Variants in MAP4K4 observed in about 807,000 individuals in gnomAD.
MAP4K4 encodes the protein mitogen-activated protein kinase kinase kinase kinase 4.
Under a neutral mutation model 189.6 loss-of-function variants are expected in MAP4K4, and 38 were observed. The observed-to-expected ratio is 0.20, with a 90% confidence interval of 0.15 to 0.26. The LOEUF is 0.26. Ranked by LOEUF, MAP4K4 falls within the 10% of genes least tolerant of loss-of-function variation. The pLI, the probability that MAP4K4 is intolerant of heterozygous loss-of-function variation, is 1.00. For missense variants in MAP4K4, 1,054 were observed against 1,726.9 expected, an observed-to-expected ratio of 0.61 and a Z score of 6.91; for synonymous variants, 610 against 624.3, an observed-to-expected ratio of 0.98 and a Z score of 0.34.
intron 24 of MAP4K4, 41 bp downstream of exon 24, chr2:101,871,726 A>G: frequency 1.3e-6 from 2 of 1,517,868 alleles, no homozygotes; most frequent in South Asian, 1.2e-5. Flanking sequence ...CTGGGGTTAG[A>G]CCAGCACTGC....
chr2:101,824,492 TAAAAC>T (rs1365032306), intron 4 of MAP4K4, among the ~76,000 whole-genome samples: 1 of 152,220 alleles, frequency 6.6e-6, no homozygotes, highest in Non-Finnish European at 1.5e-5. Context: ...TGATAATAGT[TAAAAC>T]AAATTCCAGG....
exon 33 of MAP4K4, chr2:101,891,432 C>CTTT: frequency 2.2e-6 from 1 of 456,424 alleles, no homozygotes; most frequent in Non-Finnish European, 4.0e-6. Context: ...TATCCCCATT[C>CTTT]TTTTTTTTTT....
At chr2:101,844,106 T>C in exon 12 of MAP4K4, 2 of 1,610,750 alleles carry the variant, frequency 1.2e-6, no homozygotes, top group Non-Finnish European at 1.7e-6. Flanking sequence ...AACAGTTCCA[T>C]TGTGAACGTG....
chr2:101,864,046 C>G (rs1356711390), exon 17 of MAP4K4: 1 of 1,359,794 alleles, frequency 7.4e-7, no homozygotes, highest in Admixed American at 1.9e-5. Flanking sequence ...CGAGGTGCCT[C>G]CAAGGGTAAG....
intron 5 of MAP4K4, among the ~76,000 whole-genome samples, chr2:101,826,967 A>G (rs1010570356): frequency 1.3e-5 from 2 of 152,082 alleles, no homozygotes; most frequent in African/African-American, 4.8e-5. Flanking sequence ...TAATTCCAGT[A>G]TGTGATATCT....
chr2:101,788,121 G>A (rs1377220810), intron 2 of MAP4K4, among the ~76,000 whole-genome samples: 1 of 150,948 alleles, frequency 6.6e-6, no homozygotes, highest in Non-Finnish European at 1.5e-5. Flanking sequence ...TTTTTAAATA[G>A]AGAAGTACAT....
At chr2:101,804,939 T>G (rs2094768386) in intron 3 of MAP4K4, among the ~76,000 whole-genome samples, 1 of 151,796 alleles carries the variant, frequency 6.6e-6, no homozygotes, top group Non-Finnish European at 1.5e-5. Context: ...CCGAGCGTGG[T>G]GGCACGTGAC....
intron 2 of MAP4K4, among the ~76,000 whole-genome samples, chr2:101,755,915 T>G (rs2150055335): frequency 6.7e-6 from 1 of 150,050 alleles, no homozygotes; most frequent in Non-Finnish European, 1.5e-5. Context: ...TTATTTATAG[T>G]ATGAGTTCTT....
At chr2:101,821,649 A>G (rs1427591705) in intron 3 of MAP4K4, among the ~76,000 whole-genome samples, 2 of 152,178 alleles carry the variant, frequency 1.3e-5, no homozygotes, top group African/African-American at 2.4e-5. Flanking sequence ...GTGAATGTGA[A>G]GGCCTAGGAC....
exon 17 of MAP4K4, chr2:101,864,032 G>T (rs1049696786): frequency 1.5e-6 from 2 of 1,364,450 alleles, no homozygotes; most frequent in African/African-American, 3.0e-5. Context: ...AGATCAGACA[G>T]TGACGAGGTG....
At position 101,888,804 on chromosome 2, in the gene MAP4K4, C is replaced by T. The variant is rs1247832319; in HGVS notation, c.3940C>T (p.Arg1314Ter). 1.2e-6 allele frequency: 2 copies of T among 1,607,620 alleles called. No individual in the cohort carries two copies. The highest frequency in any genetic ancestry group is 1.7e-6 in the Non-Finnish European group (2 of 1,177,304). The change falls in exon 32 of 33, where the codon CGA (arginine) becomes TGA (stop). Residue 1314 changes from arginine to a stop codon, truncating the protein, a stop_gained. Transcript: ENST00000324219. LOFTEE classifies it high-confidence loss of function. ...TTTTCCCTCCCCAAAAGCATATATT[C>T]GATCCAATCAGACAATGGGCTGGGG...
At chr2:101,723,974 C>T (rs2053741169) in intron 2 of MAP4K4, among the ~76,000 whole-genome samples, 1 of 152,168 alleles carries the variant, frequency 6.6e-6, no homozygotes, top group African/African-American at 2.4e-5. Context: ...ACATTTTCTT[C>T]CCTGTAACTT....
At chr2:101,859,105 T>C (rs772402766) in intron 14 of MAP4K4, 23 bp downstream of exon 14, 1 of 1,595,938 alleles carries the variant, frequency 6.3e-7, no homozygotes, top group Admixed American at 1.7e-5. Flanking sequence ...CTCTGTTTCA[T>C]TCTGTAGCAT....
intron 2 of MAP4K4, among the ~76,000 whole-genome samples, chr2:101,734,501 A>G (rs377491753): frequency 6.6e-6 from 1 of 152,220 alleles, no homozygotes; most frequent in Non-Finnish European, 1.5e-5. Flanking sequence ...TAAAATTTAC[A>G]TTCTTTCGTA....
At chr2:101,791,888 G>A (rs547203648) in intron 3 of MAP4K4, among the ~76,000 whole-genome samples, 1 of 152,286 alleles carries the variant, frequency 6.6e-6, no homozygotes, top group South Asian at 2.1e-4. Context: ...CTGTTAAAGA[G>A]AATAATGGGT....
chr2:101,770,326 G>A (rs2080772285), intron 2 of MAP4K4, among the ~76,000 whole-genome samples: 1 of 139,490 alleles, frequency 7.2e-6, no homozygotes, highest in Admixed American at 8.2e-5. Context: ...TTGGCTCACT[G>A]CAGTCTCTGC....
At chr2:101,884,755 C>CT (rs1297291646) in intron 28 of MAP4K4, among the ~76,000 whole-genome samples, 1 of 152,172 alleles carries the variant, frequency 6.6e-6, no homozygotes, top group East Asian at 1.9e-4. Flanking sequence ...TAGTATAAGC[C>CT]TTTTTTCTTC....
At chr2:101,708,275 G>A (rs1365612604) in intron 2 of MAP4K4, among the ~76,000 whole-genome samples, 4 of 152,050 alleles carry the variant, frequency 2.6e-5, no homozygotes, top group Non-Finnish European at 5.9e-5. Flanking sequence ...TTTGGACTTA[G>A]GGTTTTGCTC....
intron 8 of MAP4K4, among the ~76,000 whole-genome samples, chr2:101,834,982 G>GA (rs988055517): frequency 2.6e-5 from 4 of 151,442 alleles, no homozygotes; most frequent in East Asian, 1.9e-4. Context: ...GAGAACAAAG[G>GA]AAAAAAAACA....
Sources: allele counts gnomAD v4.1 joint callset (sites outside exome capture counted in the v4.1 genomes callset), GRCh38; gene constraint gnomAD v4.1.1; transcripts MANE v1.5; gene names NCBI Gene and HGNC (gene_info 2026-07-23, HGNC 2026-07-21).